AEBP2: variants seen among roughly 807,000 people sequenced by gnomAD.
AEBP2 encodes the protein AE binding protein 2, also known as zinc finger protein AEBP2.
Under a neutral mutation model 50.8 loss-of-function variants are expected in AEBP2, and 10 were observed. That is an observed-to-expected ratio of 0.20 (90% CI 0.12 to 0.33). The LOEUF (loss-of-function observed/expected upper bound fraction) is 0.33. AEBP2 is among the 10% of genes least tolerant of loss of function. AEBP2 has a pLI of 1.00. For synonymous variants in AEBP2, 296 were observed against 261.3 expected, an observed-to-expected ratio of 1.13 and a Z score of -1.28; for missense variants, 570 against 688.0, an observed-to-expected ratio of 0.83 and a Z score of 1.92.
At chr12:19,423,037 GC>G (rs1180156512) in intron 1 of AEBP2, among the ~76,000 whole-genome samples, 1 of 128,910 alleles carries the variant, frequency 7.8e-6, no homozygotes, top group Admixed American at 8.5e-5. Context: ...TGCACTCCAG[GC>G]TGGGTGACAG....
intron 5 of AEBP2, among the ~76,000 whole-genome samples, chr12:19,510,882 T>TTTTTTTTTTAGG (rs1949222806): frequency 6.7e-6 from 1 of 148,320 alleles, no homozygotes; most frequent in South Asian, 2.1e-4. Flanking sequence ...TTTTTTTTTT[T>TTTTTTTTTTAGG]GAGGTGGGGC....
intron 1 of AEBP2, 177 bp downstream of exon 1, chr12:19,440,547 A>G (rs1451092664): frequency 5.1e-6 from 7 of 1,378,458 alleles, no homozygotes; most frequent in South Asian, 3.5e-5. Flanking sequence ...CTCGCAGCGC[A>G]TCGCGGCTTC....
At chr12:19,424,404 CT>C (rs1449716961) in intron 1 of AEBP2, among the ~76,000 whole-genome samples, 6 of 147,992 alleles carry the variant, frequency 4.1e-5, no homozygotes, top group African/African-American at 5.0e-5. Context: ...GTCTTTTTTT[CT>C]TTTTTTTTTG....
intron 1 of AEBP2, among the ~76,000 whole-genome samples, chr12:19,411,051 C>CA (rs140861165): frequency 4.3e-4 from 64 of 148,310 alleles, no homozygotes; most frequent in South Asian, 8.6e-4. Context: ...GCGGTCACGG[C>CA]AAAAAAAAAC....
chr12:19,413,487 TAACAG>T, intron 1 of AEBP2: 2 of 941,170 alleles, frequency 2.1e-6, no homozygotes, highest in South Asian at 1.3e-5. Flanking sequence ...GACTAGAACT[TAACAG>T]AACAATTCTA....
chr12:19,480,998 TTCTTTG>T (rs1458327756), intron 3 of AEBP2, among the ~76,000 whole-genome samples: 2 of 152,110 alleles, frequency 1.3e-5, no homozygotes, highest in Non-Finnish European at 2.9e-5. Context: ...TAAGTGTCTT[TTCTTTG>T]TCTTTGTCTG....
chr12:19,465,244 AT>A (rs1948450932), intron 2 of AEBP2, among the ~76,000 whole-genome samples: 1 of 151,770 alleles, frequency 6.6e-6, no homozygotes, highest in South Asian at 2.1e-4. Context: ...AAATACAAAA[AT>A]TAGCTGGGTA....
chr12:19,408,428 G>A (rs1260287848), intron 1 of AEBP2, among the ~76,000 whole-genome samples: 2 of 151,682 alleles, frequency 1.3e-5, no homozygotes, highest in Non-Finnish European at 2.9e-5. Context: ...GAGCATGGTG[G>A]TGCATAGTTA....
At chr12:19,471,498 A>G (rs1034046916) in intron 2 of AEBP2, among the ~76,000 whole-genome samples, 3 of 151,424 alleles carry the variant, frequency 2.0e-5, no homozygotes, top group African/African-American at 7.3e-5. Flanking sequence ...TAATTTCTAT[A>G]GCATTTAAGT....
Position 19,448,977 on chromosome 12 carries a change from G to A in AEBP2, c.671+8607G>A, listed in dbSNP as rs78432003. 2.5e-3 allele frequency among the ~76,000 whole-genome samples: 387 copies of A among 152,270 alleles called. 2 individuals are homozygous for A. Among genetic ancestry groups the A allele is most frequent in the African/African-American group, 9.0e-3 (376 of 41,556 alleles). On this transcript the variant is annotated intron_variant, in intron 1 of 7. Coordinates refer to ENST00000266508, the MANE Select transcript of AEBP2 (RefSeq NM_153207.5). ...TTACAGGTGTGAGCCACCACACCTG[G>A]CCATCATTACTTTTCATAAATATTT...
intron 5 of AEBP2, among the ~76,000 whole-genome samples, chr12:19,511,301 G>A (rs578114996): frequency 3.3e-5 from 5 of 152,322 alleles, no homozygotes; most frequent in African/African-American, 1.2e-4. Context: ...TGCTGCTGGT[G>A]CACAGAAAGC....
At chr12:19,448,825 A>G (rs1346174472) in intron 1 of AEBP2, among the ~76,000 whole-genome samples, 2 of 152,046 alleles carry the variant, frequency 1.3e-5, no homozygotes, top group African/African-American at 2.4e-5. Flanking sequence ...AGCTACAGGC[A>G]TGCACTACCA....
rs1274117638 is a variant in AEBP2 at position 19,519,673 on chromosome 12, T to A, written c.*1556T>A. On this transcript the variant is annotated 3_prime_UTR_variant, in exon 8 of 8. Transcript: ENST00000266508. Reference sequence around the variant, plus strand: ...TTACACTAAATTTTTTAAAGAAATATTAGACAAAAATATAGAATTAAAACC... The same window carrying A: ...TTACACTAAATTTTTTAAAGAAATAATAGACAAAAATATAGAATTAAAACC... 6.6e-6 allele frequency: 1 copy of A among 152,564 alleles called. No individual in the cohort carries two copies. Among genetic ancestry groups the A allele is most frequent in the Non-Finnish European group, 1.5e-5 (1 of 67,980 alleles). The allele number at this position is 152,564 out of a possible 1,614,324, so 9.5% of individuals were successfully genotyped here.
intron 3 of AEBP2, among the ~76,000 whole-genome samples, chr12:19,475,464 G>GTGTATATATATATA (rs879624624): frequency 2.0e-5 from 3 of 150,876 alleles, no homozygotes; most frequent in African/African-American, 4.9e-5. Flanking sequence ...GTATGTGTGT[G>GTGTATATATATATA]TATATATATA....
At chr12:19,462,306 ACTG>A (rs1948393931) in intron 1 of AEBP2, among the ~76,000 whole-genome samples, 1 of 152,144 alleles carries the variant, frequency 6.6e-6, no homozygotes, top group Non-Finnish European at 1.5e-5. Flanking sequence ...ATTTTGAGGT[ACTG>A]TCGTGTTTCT....
chr12:19,464,760 T>A (rs1193095871), intron 2 of AEBP2, among the ~76,000 whole-genome samples: 2 of 151,568 alleles, frequency 1.3e-5, no homozygotes, highest in African/African-American at 4.8e-5. Flanking sequence ...CTAAATTTTT[T>A]TGTATTTTTG....
At chr12:19,424,229 G>A (rs2095747307) in intron 1 of AEBP2, among the ~76,000 whole-genome samples, 1 of 152,136 alleles carries the variant, frequency 6.6e-6, no homozygotes, top group Non-Finnish European at 1.5e-5. Flanking sequence ...AGGAAAAGGA[G>A]AGGGGAAAAC....
intron 1 of AEBP2, among the ~76,000 whole-genome samples, chr12:19,411,487 G>T (rs560422374): frequency 2.6e-5 from 4 of 152,186 alleles, no homozygotes; most frequent in African/African-American, 9.6e-5. Context: ...TGAGCCAGAG[G>T]AGCCCCAGGA....
intron 3 of AEBP2, among the ~76,000 whole-genome samples, chr12:19,489,519 C>G (rs1203581194): frequency 6.6e-6 from 1 of 152,190 alleles, no homozygotes; most frequent in African/African-American, 2.4e-5. Flanking sequence ...TATCAGTGTT[C>G]AACAACCAGC....
Sources: allele counts gnomAD v4.1 joint callset (sites outside exome capture counted in the v4.1 genomes callset), GRCh38; gene constraint gnomAD v4.1.1; transcripts MANE v1.5; gene names NCBI Gene and HGNC (gene_info 2026-07-23, HGNC 2026-07-21).